The following RAD54L2 variants were observed in gnomAD, a reference collection of about 807,000 sequenced individuals.
RAD54L2 encodes the protein RAD54 like 2.
Under a neutral mutation model 138.4 loss-of-function variants are expected in RAD54L2, and 27 were observed. The observed-to-expected ratio is 0.20, with a 90% confidence interval of 0.14 to 0.27. The LOEUF (loss-of-function observed/expected upper bound fraction) is 0.27. Among genes scored for constraint, RAD54L2 ranks in the 10% least tolerant of loss-of-function variants. The pLI is 1.00. For synonymous variants in RAD54L2, 644 were observed against 723.2 expected (o/e 0.89, Z 1.76); for missense variants, 1,396 against 1,890.2 (o/e 0.74, Z 4.85).
intron 2 of RAD54L2, among the ~76,000 whole-genome samples, chr3:51,563,569 A>T (rs573091291): frequency 1.1e-3 from 166 of 152,130 alleles, no homozygotes; most frequent in African/African-American, 4.0e-3. Context: ...TAGTAGAAGG[A>T]CCTCCTGGTT....
At chr3:51,647,288 G>C (rs201154386) in intron 19 of RAD54L2, among the ~76,000 whole-genome samples, 1 of 152,210 alleles carries the variant, frequency 6.6e-6, no homozygotes, top group South Asian at 2.1e-4. Context: ...CTGCAGCCTC[G>C]ACCTGCTGGG....
chr3:51,602,410 G>A (rs1700099246), intron 3 of RAD54L2, among the ~76,000 whole-genome samples: 1 of 152,172 alleles, frequency 6.6e-6, no homozygotes, highest in Non-Finnish European at 1.5e-5. Flanking sequence ...ATCTGTCTGT[G>A]AATCTACGTG....
chr3:51,618,872 T>A (rs542052261), intron 3 of RAD54L2, among the ~76,000 whole-genome samples: 2 of 152,266 alleles, frequency 1.3e-5, no homozygotes, highest in African/African-American at 4.8e-5. Flanking sequence ...ACTCCTCCAA[T>A]TGAGAGGTGG....
rs1221579999 is a variant in RAD54L2 at position 51,665,450 on chromosome 3, G to A, written c.*2030G>A. The A allele has an allele frequency of 6.6e-6, 1 of 152,170 alleles. No homozygotes were observed. Among genetic ancestry groups the A allele is most frequent in the Admixed American group, 6.5e-5 (1 of 15,274 alleles). 9.4% of individuals were successfully genotyped at this position (152,170 alleles called of 1,614,324 possible). A position where few individuals can be genotyped will look rare whatever the true frequency, so the allele number is the denominator to read the frequency against. ...GGATGGGGTGCATGTGTATATGTGT[G>A]TTTGTCTGCTGTCCAATAACACCAA... On this transcript the variant is annotated 3_prime_UTR_variant, in exon 23 of 23. Transcript: ENST00000684192.
chr3:51,625,432 A>G (rs1369400961), intron 3 of RAD54L2, among the ~76,000 whole-genome samples: 1 of 152,162 alleles, frequency 6.6e-6, no homozygotes, highest in African/African-American at 2.4e-5. Flanking sequence ...CAATCAATCA[A>G]TAAATAGGAC....
chr3:51,552,631 C>T (rs1350697299), intron 2 of RAD54L2, among the ~76,000 whole-genome samples: 8 of 140,002 alleles, frequency 5.7e-5, no homozygotes, highest in African/African-American at 1.6e-4. Context: ...TGCAGTGGCA[C>T]GATGATCATA....
intron 2 of RAD54L2, among the ~76,000 whole-genome samples, chr3:51,560,606 C>G (rs1263454800): frequency 6.6e-6 from 1 of 152,128 alleles, no homozygotes; most frequent in Non-Finnish European, 1.5e-5. Flanking sequence ...ATCCACCTGC[C>G]TCTGCCTCCC....
Position 51,645,692 on chromosome 3 carries a change from T to C in RAD54L2, c.2758T>C (p.Leu920=), listed in dbSNP as rs751353725. 2 of 1,612,756 alleles carry C rather than the reference T, an allele frequency of 1.2e-6. No homozygotes were observed. Among genetic ancestry groups the C allele is most frequent in the Non-Finnish European group, 8.5e-7 (1 of 1,179,444 alleles). The change falls in exon 18 of 23, where the codon TTG becomes CTG. Residue 920 remains leucine (L), a synonymous_variant. Transcript: ENST00000684192. This position sits in a 1 kb window ranked among gnomAD's most constrained non-coding sequence, Gnocchi z 6.1. ...VEKEPAPQVS[L]NVKGIKESVL... is the part of the protein sequence containing the mutation. ...GAAGGAGCCAGCTCCCCAAGTTTCC[T>C]TGAACGTAAAGGGGATCAAGGAGTC...
intron 15 of RAD54L2, 117 bp from the exon 16 acceptor site, chr3:51,643,758 A>T: frequency 3.7e-6 from 3 of 806,126 alleles, no homozygotes; most frequent in Non-Finnish European, 6.3e-6. Context: ...AAGGGGTGAG[A>T]TCTGAGCACT....
At chr3:51,660,871 C>T (rs1235038729) in intron 22 of RAD54L2, among the ~76,000 whole-genome samples, 7 of 151,806 alleles carry the variant, frequency 4.6e-5, no homozygotes, top group Admixed American at 6.6e-5. Context: ...CCGCCTGCCT[C>T]GGCCTCCCAA....
At chr3:51,654,804 A>G (rs1054868976) in intron 19 of RAD54L2, among the ~76,000 whole-genome samples, 6 of 152,172 alleles carry the variant, frequency 3.9e-5, no homozygotes, top group Non-Finnish European at 8.8e-5. Flanking sequence ...GGGGGCACCA[A>G]CTTCTCACAG....
intron 3 of RAD54L2, among the ~76,000 whole-genome samples, chr3:51,616,849 AAAG>A (rs1261974053): frequency 3.9e-5 from 6 of 152,108 alleles, no homozygotes; most frequent in South Asian, 4.1e-4. Flanking sequence ...AAAGAAAAGA[AAAG>A]AAAATATCCA....
chr3:51,634,755 T>G (rs1177934812), intron 9 of RAD54L2, among the ~76,000 whole-genome samples: 1 of 152,230 alleles, frequency 6.6e-6, no homozygotes, highest in Non-Finnish European at 1.5e-5. Flanking sequence ...TGGTCTGCAA[T>G]TGACCTTTAA....
At chr3:51,563,716 G>A (rs1279405897) in intron 2 of RAD54L2, among the ~76,000 whole-genome samples, 2 of 152,128 alleles carry the variant, frequency 1.3e-5, no homozygotes, top group African/African-American at 2.4e-5. Flanking sequence ...CTGTGTTTAA[G>A]CATTTGGTAA....
At chr3:51,660,514 T>C (rs1363302056) in intron 22 of RAD54L2, among the ~76,000 whole-genome samples, 2 of 152,098 alleles carry the variant, frequency 1.3e-5, no homozygotes, top group Non-Finnish European at 2.9e-5. Context: ...CTTTTCACCG[T>C]GTTAGCCAGG....
intron 2 of RAD54L2, 94 bp from the exon 3 acceptor site, chr3:51,590,273 G>C: frequency 2.2e-6 from 2 of 920,768 alleles, no homozygotes; most frequent in Non-Finnish European, 3.1e-6. Context: ...TTACAGGCAT[G>C]AGCCACTGTG....
At chr3:51,562,950 A>G (rs1055264741) in intron 2 of RAD54L2, among the ~76,000 whole-genome samples, 15 of 152,118 alleles carry the variant, frequency 9.9e-5, no homozygotes, top group Non-Finnish European at 2.1e-4. Flanking sequence ...GAAATTTCTT[A>G]TCTTTGAAGT....
At chr3:51,558,150 T>C (rs991951164) in intron 2 of RAD54L2, among the ~76,000 whole-genome samples, 3 of 152,046 alleles carry the variant, frequency 2.0e-5, no homozygotes, top group African/African-American at 7.2e-5. Context: ...CTGGCCGATT[T>C]GTTTATGAAT....
intron 2 of RAD54L2, among the ~76,000 whole-genome samples, chr3:51,589,412 TAAATA>T (rs1287417064): frequency 6.6e-6 from 1 of 151,948 alleles, no homozygotes; most frequent in East Asian, 1.9e-4. Context: ...TGTCTAAAAA[TAAATA>T]AATAAAATAA....
Sources: gnomAD v4.1 joint callset for allele counts (sites outside exome capture counted in the v4.1 genomes callset) on GRCh38, gnomAD v4.1.1 for gene constraint, Gnocchi (gnomAD v3.1) non-coding constraint, MANE v1.5 for transcripts, NCBI Gene and HGNC (gene_info 2026-07-23, HGNC 2026-07-21) for gene names.